RAB12: variants seen among roughly 807,000 people sequenced by gnomAD.
RAB12 encodes the protein ras-related protein Rab-12.
RAB12 carries 11 observed loss-of-function variants against 28.4 expected under a neutral mutation model. The observed-to-expected ratio is 0.39, with a 90% confidence interval of 0.24 to 0.64. RAB12 has a LOEUF of 0.64. RAB12 is among the 30% of genes least tolerant of loss of function. The pLI, the probability that RAB12 is intolerant of heterozygous loss-of-function variation, is 0.50. For synonymous variants in RAB12, 138 were observed against 145.3 expected (o/e 0.95, Z 0.36); for missense variants, 276 against 351.1 (o/e 0.79, Z 1.71).
At chr18:8,614,233 TTTTC>T (rs2096005462) in intron 1 of RAB12, among the ~76,000 whole-genome samples, 1 of 152,106 alleles carries the variant, frequency 6.6e-6, no homozygotes, top group Non-Finnish European at 1.5e-5. Context: ...GTGAAACTGA[TTTTC>T]TTTAAGTGTG....
Position 8,638,383 on chromosome 18 carries a change from A to G in RAB12, c.*121A>G, listed in dbSNP as rs2096020196. ...TTTGTAATCCAAGTCAGAGCTATAC[A>G]CTAACTTGTAAATATGCATATATGC... is the stretch of plus-strand genomic sequence containing the variant. On this transcript the variant is annotated 3_prime_UTR_variant, in exon 6 of 6. Coordinates refer to ENST00000649141, the MANE Select transcript of RAB12 (RefSeq NM_001025300.3). 4.4e-6 allele frequency: 3 copies of G among 678,906 alleles called. No individual in the cohort carries two copies. The highest frequency in any genetic ancestry group is 5.5e-5 in the East Asian group (2 of 36,380). 42.1% of individuals were successfully genotyped at this position (678,906 alleles called of 1,614,324 possible).
At chr18:8,612,755 C>A (rs191176300) in intron 1 of RAB12, among the ~76,000 whole-genome samples, 2 of 152,216 alleles carry the variant, frequency 1.3e-5, no homozygotes, top group Non-Finnish European at 2.9e-5. Context: ...ACTGCAGCCT[C>A]GACCTGCCAG....
At chr18:8,627,844 T>G (rs2096013705) in intron 2 of RAB12, among the ~76,000 whole-genome samples, 1 of 152,184 alleles carries the variant, frequency 6.6e-6, no homozygotes, top group South Asian at 2.1e-4. Flanking sequence ...GTTCTCTGCT[T>G]GGAAGAGGGG....
In RAB12 at chr18:8,609,627, C is replaced by A. The variant is rs777764533; in HGVS notation, c.188C>A (p.Pro63His). 3,264 of 501,624 alleles carry A rather than the reference C, an allele frequency of 6.5e-3. 24 individuals carry two copies. Among genetic ancestry groups the A allele is most frequent in the Non-Finnish European group, 7.5e-3 (2,918 of 390,468 alleles). 31.1% of individuals were successfully genotyped at this position (501,624 alleles called of 1,614,324 possible). ...QRAEAEPGAD[P>H]PRAAEAEGAP... is the part of the protein sequence containing the mutation. ...GCGGAAGCCGAGCCCGGGGCCGACC[C>A]CCCGCGCGCGGCGGAGGCCGAGGGG... The change falls in exon 1 of 6, where the codon CCC becomes CAC. Residue 63 changes from proline to histidine, a missense_variant. Pro to His is a moderately conservative substitution (Grantham distance 77, BLOSUM62 -2). Transcript: ENST00000649141.
chr18:8,616,910 CA>C (rs1052431177), intron 1 of RAB12, among the ~76,000 whole-genome samples: 12 of 152,110 alleles, frequency 7.9e-5, no homozygotes, highest in Non-Finnish European at 4.4e-5. Flanking sequence ...GCCTGGGTGA[CA>C]GAGTGAGACC....
chr18:8,618,444 G>C (rs763096310), intron 1 of RAB12, among the ~76,000 whole-genome samples: 7 of 151,902 alleles, frequency 4.6e-5, no homozygotes, highest in Non-Finnish European at 8.8e-5. Flanking sequence ...GGAAAAGCCA[G>C]ATAATATTAA....
At chr18:8,622,114 C>G (rs2096010179) in intron 1 of RAB12, among the ~76,000 whole-genome samples, 1 of 152,106 alleles carries the variant, frequency 6.6e-6, no homozygotes, top group Non-Finnish European at 1.5e-5. Flanking sequence ...GTAGTCAAAA[C>G]AAAGATTATC....
chr18:8,633,794 A>T (rs899036295), intron 3 of RAB12, among the ~76,000 whole-genome samples: 1 of 152,088 alleles, frequency 6.6e-6, no homozygotes, highest in Non-Finnish European at 1.5e-5. Flanking sequence ...CCTCATTTTG[A>T]GCAAGAGGAG....
chr18:8,625,149 A>G (rs552265268), intron 2 of RAB12, 151 bp downstream of exon 2: 2 of 593,684 alleles, frequency 3.4e-6, no homozygotes, highest in African/African-American at 3.7e-5. Flanking sequence ...GTTTCCATCA[A>G]GAGAGAGAAT....
At chr18:8,637,661 A>G (rs945368170) in intron 5 of RAB12, among the ~76,000 whole-genome samples, 1 of 152,184 alleles carries the variant, frequency 6.6e-6, no homozygotes, top group African/African-American at 2.4e-5. Context: ...CCCCCTAAAC[A>G]GTCAGAAATC....
At chr18:8,635,981 A>G (rs969209555) in intron 4 of RAB12, among the ~76,000 whole-genome samples, 2 of 152,254 alleles carry the variant, frequency 1.3e-5, no homozygotes, top group Non-Finnish European at 2.9e-5. Flanking sequence ...ATTCACATTT[A>G]AATGTCAGAT....
intron 1 of RAB12, among the ~76,000 whole-genome samples, chr18:8,624,241 T>C (rs775040281): frequency 1.8e-4 from 27 of 152,272 alleles, no homozygotes; most frequent in Non-Finnish European, 3.5e-4. Context: ...ACATTTTGTA[T>C]AACTGGAAGG....
chr18:8,618,803 T>C (rs1307612600), intron 1 of RAB12, among the ~76,000 whole-genome samples: 2 of 152,196 alleles, frequency 1.3e-5, no homozygotes, highest in Non-Finnish European at 2.9e-5. Context: ...TGAGCCACCG[T>C]GCTCAGCCAC....
intron 3 of RAB12, among the ~76,000 whole-genome samples, chr18:8,633,582 A>G (rs1456090580): frequency 6.6e-6 from 1 of 152,200 alleles, no homozygotes; most frequent in Admixed American, 6.5e-5. Flanking sequence ...AAACATGCTC[A>G]TTCCACTACA....
chr18:8,622,083 C>A (rs2096010162), intron 1 of RAB12, among the ~76,000 whole-genome samples: 1 of 152,092 alleles, frequency 6.6e-6, no homozygotes, highest in South Asian at 2.1e-4. Context: ...TATTCAGACT[C>A]CATTGTTAGC....
rs565819618 is a variant in RAB12 at position 8,628,526 on chromosome 18, T to G, written c.575+3528T>G. Among the ~76,000 whole-genome samples the G allele has an allele frequency of 9.2e-5, 14 of 152,314 alleles. No homozygotes were observed. The South Asian group carries it at 2.7e-3, about 29-fold the overall frequency. On this transcript the variant is annotated intron_variant, in intron 2 of 5. Transcript: ENST00000649141. The stretch of plus-strand genomic sequence containing the variant: ...GTGGCATTTAAGGAATGGGCTTAAA[T>G]GGGGAGTGCTGAACTAGTTCATGTT...
At position 8,631,786 on chromosome 18, in the gene RAB12, C is replaced by T. The variant is rs1598313321; in HGVS notation, c.576-1403C>T. Among the ~76,000 whole-genome samples the T allele has an allele frequency of 3.3e-5, 5 of 152,058 alleles. No homozygotes were observed. The South Asian group carries it at 1.0e-3, about 32-fold the overall frequency. ...TTCTAGAAGGTCAGCACATTGATTA[C>T]AAAGCTAATGTTGGCTAACATTAAT... On this transcript the variant is annotated intron_variant, in intron 2 of 5. Coordinates refer to ENST00000649141, the MANE Select transcript of RAB12 (RefSeq NM_001025300.3).
chr18:8,614,116 G>C (rs2096005414), intron 1 of RAB12, among the ~76,000 whole-genome samples: 1 of 152,096 alleles, frequency 6.6e-6, no homozygotes, highest in Non-Finnish European at 1.5e-5. Flanking sequence ...AAATACTAAT[G>C]GCTCACACAC....
At chr18:8,620,595 A>AT (rs1285062300) in intron 1 of RAB12, among the ~76,000 whole-genome samples, 2 of 149,760 alleles carry the variant, frequency 1.3e-5, no homozygotes, top group Admixed American at 6.7e-5. Context: ...GAATTTCCCT[A>AT]TTTTTTCCCA....
Sources: allele counts gnomAD v4.1 joint callset (sites outside exome capture counted in the v4.1 genomes callset), GRCh38; gene constraint gnomAD v4.1.1; transcripts MANE v1.5; gene names NCBI Gene and HGNC (gene_info 2026-07-23, HGNC 2026-07-21).